FAF1: variants seen among roughly 807,000 people sequenced by gnomAD.
FAF1 encodes the protein FAS-associated factor 1.
In FAF1, 25 loss-of-function variants were observed where a neutral mutation model predicts 92.5. That is an observed-to-expected ratio of 0.27 (90% CI 0.20 to 0.38). The LOEUF (loss-of-function observed/expected upper bound fraction) is 0.38. Among genes scored for constraint, FAF1 ranks in the 10% least tolerant of loss-of-function variants. The pLI is 1.00. For missense variants in FAF1, 636 were observed against 793.3 expected (o/e 0.80, Z 2.38); for synonymous variants, 234 against 273.2 (o/e 0.86, Z 1.42).
At chr1:50,842,114 T>C (rs1465008471) in intron 2 of FAF1, among the ~76,000 whole-genome samples, 1 of 152,156 alleles carries the variant, frequency 6.6e-6, no homozygotes, top group Admixed American at 6.5e-5. Flanking sequence ...GACTCTGTTA[T>C]ACTGTAAGTA....
chr1:50,505,161 T>TG (rs1647044452), intron 15 of FAF1, among the ~76,000 whole-genome samples: 1 of 152,136 alleles, frequency 6.6e-6, no homozygotes, highest in African/African-American at 2.4e-5. Context: ...TAATCCACAC[T>TG]GGGGGAGAAG....
intron 2 of FAF1, among the ~76,000 whole-genome samples, chr1:50,853,787 G>A (rs1487150680): frequency 6.6e-6 from 1 of 151,176 alleles, no homozygotes; most frequent in South Asian, 2.1e-4. Context: ...ATCTTCTCCT[G>A]CCATCATCTA....
intron 4 of FAF1, among the ~76,000 whole-genome samples, chr1:50,755,511 T>C (rs1341042756): frequency 1.3e-5 from 2 of 152,290 alleles, no homozygotes; most frequent in East Asian, 3.9e-4. Context: ...CTTTTCCAGG[T>C]TCACGGTGCA....
intron 8 of FAF1, among the ~76,000 whole-genome samples, chr1:50,636,569 T>C (rs1263617241): frequency 6.6e-6 from 1 of 152,068 alleles, no homozygotes; most frequent in African/African-American, 2.4e-5. Context: ...TTGGCCAGGC[T>C]AGTCTTGAAC....
At chr1:50,778,779 C>T (rs1156731644) in intron 4 of FAF1, among the ~76,000 whole-genome samples, 3 of 151,898 alleles carry the variant, frequency 2.0e-5, no homozygotes, top group Non-Finnish European at 4.4e-5. Flanking sequence ...AAGAGTGTGC[C>T]ACTGCACTTC....
intron 4 of FAF1, among the ~76,000 whole-genome samples, chr1:50,751,404 G>A (rs937669236): frequency 7.2e-5 from 11 of 152,022 alleles, no homozygotes; most frequent in South Asian, 2.1e-4. Context: ...GCATGATCTC[G>A]GCTTACTGTA....
chr1:50,498,859 A>AG (rs1646942068), intron 15 of FAF1, among the ~76,000 whole-genome samples: 1 of 152,006 alleles, frequency 6.6e-6, no homozygotes, highest in African/African-American at 2.4e-5. Flanking sequence ...CAAAAAAAAA[A>AG]AAAAAGAAAA....
At chr1:50,731,890 C>T (rs1338256720) in intron 6 of FAF1, among the ~76,000 whole-genome samples, 1 of 151,878 alleles carries the variant, frequency 6.6e-6, no homozygotes, top group African/African-American at 2.4e-5. Context: ...TTTATTATTA[C>T]TTTACTTATA....
At chr1:50,678,458 C>A (rs1226491525) in intron 7 of FAF1, among the ~76,000 whole-genome samples, 1 of 152,162 alleles carries the variant, frequency 6.6e-6, no homozygotes, top group East Asian at 1.9e-4. Context: ...CCAGATCTTT[C>A]TTCTGTGCCT....
At chr1:50,810,054 G>T (rs541892004) in intron 2 of FAF1, among the ~76,000 whole-genome samples, 1 of 152,172 alleles carries the variant, frequency 6.6e-6, no homozygotes, top group South Asian at 2.1e-4. Flanking sequence ...TCAGCAGTTC[G>T]AGACCAGCCT....
At chr1:50,473,866 A>T (rs952485724) in intron 18 of FAF1, among the ~76,000 whole-genome samples, 17 of 152,138 alleles carry the variant, frequency 1.1e-4, no homozygotes, top group African/African-American at 4.1e-4. Flanking sequence ...AGGGACTTAG[A>T]TGTACCTTAA....
intron 13 of FAF1, 60 bp from the exon 14 acceptor site, chr1:50,539,788 C>T (rs1648675521): frequency 2.4e-6 from 3 of 1,232,626 alleles, no homozygotes; most frequent in Non-Finnish European, 3.5e-6. Flanking sequence ...TTTACTAGTA[C>T]TTCAACAAAG....
intron 8 of FAF1, among the ~76,000 whole-genome samples, chr1:50,645,098 A>G (rs553322375): frequency 2.6e-4 from 39 of 152,266 alleles, no homozygotes; most frequent in African/African-American, 9.4e-4. Flanking sequence ...TATTTGCAAA[A>G]GACTCTATAT....
chr1:50,724,304 C>CACACACATACACACACACACACAT (rs769148146), intron 6 of FAF1, among the ~76,000 whole-genome samples: 4 of 138,524 alleles, frequency 2.9e-5, no homozygotes, highest in African/African-American at 1.1e-4. Flanking sequence ...CATACACACA[C>CACACACATACACACACACACACAT]ACACACACAC....
intron 8 of FAF1, among the ~76,000 whole-genome samples, chr1:50,654,384 C>T (rs1054969870): frequency 6.6e-6 from 1 of 151,972 alleles, no homozygotes; most frequent in Non-Finnish European, 1.5e-5. Context: ...TTTAAAAAAA[C>T]TTAGGTATCT....
At chr1:50,774,685 G>A (rs1287812017) in intron 4 of FAF1, among the ~76,000 whole-genome samples, 1 of 151,988 alleles carries the variant, frequency 6.6e-6, no homozygotes, top group Non-Finnish European at 1.5e-5. Context: ...TTTGTTAACA[G>A]CACTGATTTA....
At chr1:50,563,037 G>A (rs548870605) in intron 13 of FAF1, among the ~76,000 whole-genome samples, 5 of 152,084 alleles carry the variant, frequency 3.3e-5, no homozygotes, top group Non-Finnish European at 5.9e-5. Flanking sequence ...ATCTAGAGAC[G>A]ACTCAAAGTA....
chr1:50,743,250 AT>A (rs1169136236), intron 5 of FAF1, among the ~76,000 whole-genome samples: 1 of 152,268 alleles, frequency 6.6e-6, no homozygotes, highest in Non-Finnish European at 1.5e-5. Flanking sequence ...ATAAGTACTT[AT>A]AAACACAATG....
At chr1:50,714,533 A>G (rs1026648496) in intron 6 of FAF1, among the ~76,000 whole-genome samples, 1 of 152,018 alleles carries the variant, frequency 6.6e-6, no homozygotes, top group Non-Finnish European at 1.5e-5. Flanking sequence ...ACAAAAAACC[A>G]AAACAAACAA....
Sources: gnomAD v4.1 joint callset for allele counts (sites outside exome capture counted in the v4.1 genomes callset) on GRCh38, gnomAD v4.1.1 for gene constraint, MANE v1.5 for transcripts, NCBI Gene and HGNC (gene_info 2026-07-23, HGNC 2026-07-21) for gene names.